UBE2D1: variants seen among roughly 807,000 people sequenced by gnomAD.
UBE2D1 encodes ubiquitin conjugating enzyme E2 D1, also known as ubiquitin-conjugating enzyme E2 D1.
Under a neutral mutation model 24.6 loss-of-function variants are expected in UBE2D1, and 9 were observed. The observed-to-expected ratio is 0.37, with a 90% CI of 0.22 to 0.64. UBE2D1 has a LOEUF of 0.64. Among genes scored for constraint, UBE2D1 ranks in the 30% least tolerant of loss-of-function variants. The pLI is 0.64. For synonymous variants in UBE2D1, 57 were observed against 57.6 expected (o/e 0.99, Z 0.04); for missense variants, 87 against 177.1 (o/e 0.49, Z 2.89).
At chr10:58,361,618 G>C in intron 3 of UBE2D1, 92 bp downstream of exon 3, 1 of 1,542,174 alleles carries the variant, frequency 6.5e-7, no homozygotes, top group Non-Finnish European at 8.9e-7. Context: ...GATGAAGGTT[G>C]AATATTCTTG....
intron 3 of UBE2D1, among the ~76,000 whole-genome samples, chr10:58,361,727 C>T (rs1489784162): frequency 1.3e-5 from 2 of 151,822 alleles, no homozygotes; most frequent in African/African-American, 2.4e-5. Flanking sequence ...ATTATGTTTT[C>T]CTTTGCTGAA....
In UBE2D1 at chr10:58,367,910, C is replaced by T. The variant is rs912947718; in HGVS notation, c.305-13C>T. ...GGGTTATTGTCTAATGTGATGTTCT[C>T]TTTTAAATCTAGTTTTATTGTCCAT... is the stretch of plus-strand genomic sequence containing the variant. On this transcript the variant is annotated splice_polypyrimidine_tract_variant and intron_variant, in intron 5 of 6. Coordinates refer to ENST00000373910, the MANE Select transcript of UBE2D1 (RefSeq NM_003338.5). 22 of 1,572,060 alleles carry T rather than the reference C, an allele frequency of 1.4e-5. No individual in the cohort carries two copies. Among genetic ancestry groups the T allele is most frequent in the Non-Finnish European group, 1.8e-5 (21 of 1,143,930 alleles).
chr10:58,350,393 T>C (rs1840060641), intron 1 of UBE2D1, among the ~76,000 whole-genome samples: 1 of 107,934 alleles, frequency 9.3e-6, no homozygotes, highest in Admixed American at 8.3e-5. Flanking sequence ...GATATATATA[T>C]ATGTGTATTG....
chr10:58,357,375 C>T (rs572934764), intron 1 of UBE2D1, among the ~76,000 whole-genome samples: 25 of 152,238 alleles, frequency 1.6e-4, no homozygotes, highest in African/African-American at 6.0e-4. Context: ...TCCAGAAAAA[C>T]TTAGAGTAAT....
chr10:58,362,957 A>G (rs1443349076), intron 3 of UBE2D1, among the ~76,000 whole-genome samples: 1 of 152,094 alleles, frequency 6.6e-6, no homozygotes, highest in Non-Finnish European at 1.5e-5. Flanking sequence ...TCTAATGGCT[A>G]TAAAGAAACA....
Position 58,363,617 on chromosome 10 carries a change from C to T in UBE2D1, c.129C>T (p.Ser43=), listed in dbSNP as rs763387751. 1.1e-5 allele frequency: 18 copies of T among 1,608,650 alleles called. No homozygotes were observed. Among genetic ancestry groups the T allele is most frequent in the Middle Eastern group, 1.7e-4 (1 of 6,052 alleles). ...ATCTTTTGTAATTTCAGCCTGATAG[C>T]GCATATCAAGGTGGAGTCTTCTTTC... ...WQATIMGPPD[S]AYQGGVFFLT... Residue 43 remains serine (S), a synonymous_variant, in exon 4 of 7, where the codon AGC becomes AGT. Coordinates refer to ENST00000373910, the MANE Select transcript of UBE2D1 (RefSeq NM_003338.5).
At chr10:58,348,365 C>T (rs1387039437) in intron 1 of UBE2D1, among the ~76,000 whole-genome samples, 1 of 152,176 alleles carries the variant, frequency 6.6e-6, no homozygotes, top group Non-Finnish European at 1.5e-5. Context: ...TGTTTATTTA[C>T]AGACAAACCA....
At chr10:58,368,075 C>A in intron 6 of UBE2D1, 59 bp downstream of exon 6, 2 of 1,153,052 alleles carry the variant, frequency 1.7e-6, no homozygotes, top group Non-Finnish European at 2.6e-6. Context: ...TATGCCAAAA[C>A]ACGAATATTA....
At position 58,368,351 on chromosome 10, in the gene UBE2D1, G is replaced by A. The variant is rs983139722; in HGVS notation, c.398+335G>A. The A allele has an allele frequency of 8.1e-5, 21 of 258,106 alleles. No individual in the cohort carries two copies. The South Asian group carries it at 1.1e-3, about 14-fold the overall frequency. 16.0% of individuals were successfully genotyped at this position (258,106 alleles called of 1,614,324 possible). A position where few individuals can be genotyped will look rare whatever the true frequency, so the allele number is the denominator to read the frequency against. On this transcript the variant is annotated intron_variant, in intron 6 of 6. Transcript: ENST00000373910. ...TTCTCCAAGGAAGAGGAGTTCTCTCGTACCCATCCAAACTGACCTAATTCT... is the reference window on the plus strand; with the variant it reads ...TTCTCCAAGGAAGAGGAGTTCTCTCATACCCATCCAAACTGACCTAATTCT...
intron 3 of UBE2D1, among the ~76,000 whole-genome samples, chr10:58,361,772 T>C (rs1369998799): frequency 1.3e-5 from 2 of 151,834 alleles, no homozygotes; most frequent in Non-Finnish European, 2.9e-5. Context: ...GTGCCACAGC[T>C]CGCAACCAGG....
intron 1 of UBE2D1, among the ~76,000 whole-genome samples, chr10:58,344,685 G>A (rs531819508): frequency 5.6e-4 from 85 of 152,066 alleles, no homozygotes; most frequent in Admixed American, 4.5e-3. Flanking sequence ...TAACTAAAGA[G>A]CAATTATTTA....
intron 3 of UBE2D1, among the ~76,000 whole-genome samples, chr10:58,363,033 T>G (rs1324234771): frequency 6.6e-6 from 1 of 152,108 alleles, no homozygotes; most frequent in Non-Finnish European, 1.5e-5. Context: ...ATATATAATT[T>G]TGTTTTGGAT....
Position 58,335,234 on chromosome 10 carries a change from CG to C in UBE2D1, c.24+13del. On this transcript the variant is annotated intron_variant, in intron 1 of 6. Transcript: ENST00000373910. ...TGAAGAGGATTCAGAAAGTGAGTGC[CG>C]GGGCCGGGCCTGGGGCTGCGGGGCA... The C allele has an allele frequency of 6.5e-7, 1 of 1,535,506 alleles. No individual in the cohort carries two copies. The highest frequency in any genetic ancestry group is 8.7e-7 in the Non-Finnish European group (1 of 1,143,056).
intron 1 of UBE2D1, among the ~76,000 whole-genome samples, chr10:58,343,719 C>A (rs1480023816): frequency 2.0e-5 from 3 of 152,082 alleles, no homozygotes; most frequent in African/African-American, 7.2e-5. Flanking sequence ...TGATGTACAA[C>A]CATAATATTC....
chr10:58,358,017 T>C (rs1840151265), intron 1 of UBE2D1, among the ~76,000 whole-genome samples: 1 of 152,012 alleles, frequency 6.6e-6, no homozygotes, highest in African/African-American at 2.4e-5. Context: ...ATAATAATAA[T>C]AACAAGATAA....
chr10:58,338,098 C>T (rs560904840), intron 1 of UBE2D1, among the ~76,000 whole-genome samples: 2 of 152,186 alleles, frequency 1.3e-5, no homozygotes, highest in African/African-American at 4.8e-5. Context: ...CCACCTACCT[C>T]GGCCTCCCAA....
intron 1 of UBE2D1, chr10:58,360,777 G>T: frequency 6.9e-6 from 2 of 289,192 alleles, no homozygotes; most frequent in Non-Finnish European, 1.4e-5. Flanking sequence ...AGCCGGGTGT[G>T]CTGGCACATG....
At chr10:58,352,252 A>G (rs1366518177) in intron 1 of UBE2D1, among the ~76,000 whole-genome samples, 1 of 152,040 alleles carries the variant, frequency 6.6e-6, no homozygotes, top group Admixed American at 6.6e-5. Context: ...TGTTTGCCTG[A>G]GACAGTGATG....
chr10:58,337,054 C>A (rs9663811), intron 1 of UBE2D1, among the ~76,000 whole-genome samples: 7,387 of 151,984 alleles, frequency 0.049, 345 homozygotes, highest in African/African-American at 0.12. Flanking sequence ...CCATGCTGAA[C>A]TAGTGTATTT....
Sources: gnomAD v4.1 joint callset for allele counts (sites outside exome capture counted in the v4.1 genomes callset) on GRCh38, gnomAD v4.1.1 for gene constraint, MANE v1.5 for transcripts, NCBI Gene and HGNC (gene_info 2026-07-23, HGNC 2026-07-21) for gene names.